TECRL: variants seen among roughly 807,000 people sequenced by gnomAD.
TECRL encodes trans-2,3-enoyl-CoA reductase-like.
A neutral mutation model predicts 52.8 loss-of-function variants in TECRL; 63 were observed. That is an observed-to-expected ratio of 1.19 (90% confidence interval 0.97 to 1.47). The LOEUF (loss-of-function observed/expected upper bound fraction) is 1.47, where lower values mean the gene tolerates loss of function less well. Ranked by LOEUF, TECRL falls within the 40% of genes most tolerant of loss-of-function variation. TECRL has a pLI of 0.00. For synonymous variants in TECRL, 164 were observed against 141.9 expected (o/e 1.16, Z -1.10); for missense variants, 482 against 429.6 (o/e 1.12, Z -1.08).
intron 1 of TECRL, among the ~76,000 whole-genome samples, chr4:64,398,670 A>G (rs1387125338): frequency 6.6e-6 from 1 of 152,160 alleles, no homozygotes; most frequent in Non-Finnish European, 1.5e-5. Context: ...TTTTTATAGC[A>G]ATGTGAGAAC....
chr4:64,299,015 T>C lies in TECRL; in HGVS notation c.774+959A>G, dbSNP rs1167091441. On this transcript the variant is annotated intron_variant, in intron 8 of 11. Coordinates refer to ENST00000381210, the MANE Select transcript of TECRL (RefSeq NM_001010874.5). ...AGGCTGTGATATATTTTCAACATAT[T>C]GTTGAAGAAATTCCAAATACATAAA... The C allele has an allele frequency of 2.6e-5, 4 of 151,250 alleles. No homozygotes were observed. The Admixed American group carries it at 2.6e-4, about 10-fold the overall frequency. The allele number at this position is 151,250 out of a possible 1,614,324, so 9.4% of individuals were successfully genotyped here. A position where few individuals can be genotyped will look rare whatever the true frequency, so the allele number is the denominator to read the frequency against.
intron 9 of TECRL, among the ~76,000 whole-genome samples, chr4:64,285,452 G>T (rs1181668467): frequency 6.6e-6 from 1 of 151,814 alleles, no homozygotes; most frequent in African/African-American, 2.4e-5. Flanking sequence ...ATGACATTTT[G>T]TACAATCAAT....
chr4:64,398,368 G>A (rs536543553), intron 1 of TECRL, among the ~76,000 whole-genome samples: 2 of 152,272 alleles, frequency 1.3e-5, no homozygotes, highest in East Asian at 3.9e-4. Context: ...GAATCATGGG[G>A]TCAGATTTCT....
chr4:64,314,538 C>T (rs1019748327), intron 5 of TECRL, 110 bp downstream of exon 5: 2 of 793,996 alleles, frequency 2.5e-6, no homozygotes, highest in Non-Finnish European at 4.2e-6. Context: ...TTAGTAACAA[C>T]CTTTATTAAT....
intron 2 of TECRL, among the ~76,000 whole-genome samples, chr4:64,374,517 C>A (rs1433942750): frequency 1.3e-5 from 2 of 151,874 alleles, no homozygotes; most frequent in African/African-American, 4.8e-5. Context: ...CCCATTAACC[C>A]GTCATTTAGA....
chr4:64,353,194 TAAG>T (rs1423975357), intron 2 of TECRL, among the ~76,000 whole-genome samples: 1 of 152,152 alleles, frequency 6.6e-6, no homozygotes, highest in Non-Finnish European at 1.5e-5. Flanking sequence ...AAACACAGAA[TAAG>T]AAGTTCTCAG....
At chr4:64,398,924 G>A (rs1560560050) in intron 1 of TECRL, among the ~76,000 whole-genome samples, 1 of 152,140 alleles carries the variant, frequency 6.6e-6, no homozygotes, top group South Asian at 2.1e-4. Context: ...TGGATAAAAG[G>A]TCACTTTGCT....
chr4:64,313,161 G>T (rs939561640), intron 5 of TECRL, among the ~76,000 whole-genome samples: 11 of 152,230 alleles, frequency 7.2e-5, no homozygotes, highest in South Asian at 4.1e-4. Context: ...TGTAATTAAA[G>T]GTAGGCAAAA....
intron 2 of TECRL, among the ~76,000 whole-genome samples, chr4:64,358,223 T>A (rs1010406432): frequency 6.6e-6 from 1 of 151,886 alleles, no homozygotes; most frequent in African/African-American, 2.4e-5. Flanking sequence ...TGCCTCATTC[T>A]TACAAATATG....
chr4:64,322,876 A>G (rs1438982398), intron 3 of TECRL, 84 bp from the exon 4 acceptor site: 10 of 958,126 alleles, frequency 1.0e-5, no homozygotes, highest in African/African-American at 3.4e-5. Context: ...AAAATCAGTA[A>G]AAGCTAAAGA....
chr4:64,316,344 A>C (rs1017219333), intron 4 of TECRL, among the ~76,000 whole-genome samples: 1 of 152,130 alleles, frequency 6.6e-6, no homozygotes, highest in African/African-American at 2.4e-5. Flanking sequence ...AGTATATAAA[A>C]TATGTTTTAG....
At chr4:64,305,290 T>G in intron 6 of TECRL, 52 bp from the exon 7 acceptor site, 4 of 1,521,996 alleles carry the variant, frequency 2.6e-6, no homozygotes, top group South Asian at 2.3e-5. Context: ...GTAATATATA[T>G]TTCAATTGTG....
intron 2 of TECRL, among the ~76,000 whole-genome samples, chr4:64,329,025 A>G (rs1458225186): frequency 1.3e-5 from 2 of 151,966 alleles, no homozygotes; most frequent in Non-Finnish European, 2.9e-5. Context: ...TATATGTATC[A>G]TTGACTTTTA....
At chr4:64,399,787 T>C (rs1227020356) in intron 1 of TECRL, among the ~76,000 whole-genome samples, 3 of 152,040 alleles carry the variant, frequency 2.0e-5, no homozygotes, top group Non-Finnish European at 4.4e-5. Flanking sequence ...TTTCAGCGGA[T>C]ATATGAAAAA....
chr4:64,379,114 A>T (rs1412578441), intron 1 of TECRL, among the ~76,000 whole-genome samples: 4 of 152,198 alleles, frequency 2.6e-5, no homozygotes, highest in African/African-American at 9.6e-5. Flanking sequence ...GTATTTACCA[A>T]AGAAAGTTTT....
intron 2 of TECRL, among the ~76,000 whole-genome samples, chr4:64,360,916 T>C (rs1461811350): frequency 6.6e-6 from 1 of 152,020 alleles, no homozygotes; most frequent in Non-Finnish European, 1.5e-5. Context: ...GCGCAGAAGG[T>C]TTGGTGCAGG....
At chr4:64,332,444 A>T (rs2110053627) in intron 2 of TECRL, among the ~76,000 whole-genome samples, 1 of 152,296 alleles carries the variant, frequency 6.6e-6, no homozygotes, top group Admixed American at 6.5e-5. Context: ...TCGCTTCTTT[A>T]TTCAGACCCT....
At chr4:64,356,584 T>TA (rs1720789074) in intron 2 of TECRL, among the ~76,000 whole-genome samples, 1 of 152,104 alleles carries the variant, frequency 6.6e-6, no homozygotes, top group Non-Finnish European at 1.5e-5. Context: ...CCCTTGAACT[T>TA]ATTGTGACAC....
chr4:64,405,813 A>T (rs1471542081), intron 1 of TECRL, among the ~76,000 whole-genome samples: 1 of 152,080 alleles, frequency 6.6e-6, no homozygotes, highest in Non-Finnish European at 1.5e-5. Context: ...GAAGTTGGTT[A>T]AAAAAAGTGT....
Sources: allele counts gnomAD v4.1 joint callset (sites outside exome capture counted in the v4.1 genomes callset), GRCh38; gene constraint gnomAD v4.1.1; transcripts MANE v1.5; gene names NCBI Gene and HGNC (gene_info 2026-07-23, HGNC 2026-07-21).